DPP10: variants seen among roughly 807,000 people sequenced by gnomAD.
The protein encoded by DPP10 is inactive dipeptidyl peptidase 10.
A neutral mutation model predicts 120.9 loss-of-function variants in DPP10; 33 were observed. That is an observed-to-expected ratio of 0.27 (90% confidence interval 0.21 to 0.37). The LOEUF is 0.37. Ranked by LOEUF, DPP10 falls within the 10% of genes least tolerant of loss-of-function variation. The pLI, the probability that DPP10 is intolerant of heterozygous loss-of-function variation, is 1.00. For missense variants in DPP10, 816 were observed against 942.8 expected (o/e 0.87, Z 1.76); for synonymous variants, 337 against 326.1 (o/e 1.03, Z -0.36).
intron 1 of DPP10, among the ~76,000 whole-genome samples, chr2:114,450,511 G>A (rs926643693): frequency 6.6e-6 from 1 of 151,638 alleles, no homozygotes; most frequent in Non-Finnish European, 1.5e-5. Context: ...TTAAATAAAA[G>A]AACAAAAAGA....
intron 5 of DPP10, among the ~76,000 whole-genome samples, chr2:115,606,227 T>C (rs950708420): frequency 1.3e-5 from 2 of 152,156 alleles, no homozygotes; most frequent in Non-Finnish European, 2.9e-5. Context: ...GTCTTAATTC[T>C]TGAGAGAAAA....
chr2:114,908,688 T>C (rs1388129742), intron 1 of DPP10, among the ~76,000 whole-genome samples: 1 of 151,860 alleles, frequency 6.6e-6, no homozygotes, highest in Non-Finnish European at 1.5e-5. Flanking sequence ...CACTATTTCT[T>C]AAAAATCTGG....
intron 1 of DPP10, among the ~76,000 whole-genome samples, chr2:115,307,427 A>T (rs1236885235): frequency 4.6e-5 from 7 of 152,082 alleles, no homozygotes; most frequent in Admixed American, 2.6e-4. Flanking sequence ...TAATTGCTAC[A>T]TTTCTATTCT....
At chr2:114,621,637 A>G (rs1694099428) in intron 1 of DPP10, among the ~76,000 whole-genome samples, 1 of 151,980 alleles carries the variant, frequency 6.6e-6, no homozygotes, top group Admixed American at 6.6e-5. Flanking sequence ...AGGGATCTTC[A>G]AAAGGCACTC....
chr2:114,861,554 A>G (rs530168894), intron 1 of DPP10, among the ~76,000 whole-genome samples: 3 of 152,222 alleles, frequency 2.0e-5, no homozygotes, highest in Non-Finnish European at 4.4e-5. Flanking sequence ...TACTCAGTGC[A>G]TGAGTTTAAA....
chr2:115,831,384 G>T (rs1423289706), intron 21 of DPP10, among the ~76,000 whole-genome samples: 2 of 151,988 alleles, frequency 1.3e-5, no homozygotes, highest in Admixed American at 6.6e-5. Context: ...GAGTAGCTGG[G>T]ATTAGCCACC....
chr2:115,228,294 C>T (rs2057544580), intron 1 of DPP10, among the ~76,000 whole-genome samples: 1 of 151,886 alleles, frequency 6.6e-6, no homozygotes, highest in Admixed American at 6.6e-5. Flanking sequence ...ACAATGCATA[C>T]CAGTCATATC....
At chr2:114,965,480 G>C (rs962972259) in intron 1 of DPP10, among the ~76,000 whole-genome samples, 11 of 152,112 alleles carry the variant, frequency 7.2e-5, no homozygotes, top group Admixed American at 3.9e-4. Flanking sequence ...AAACATCCAA[G>C]TGGAGATATC....
intron 3 of DPP10, among the ~76,000 whole-genome samples, chr2:115,422,585 A>G (rs1004838834): frequency 7.2e-5 from 11 of 152,206 alleles, no homozygotes; most frequent in Non-Finnish European, 1.3e-4. Flanking sequence ...TGTCCTTGCA[A>G]ATAAAAGAAT....
intron 3 of DPP10, among the ~76,000 whole-genome samples, chr2:115,471,467 C>G (rs565809351): frequency 1.3e-5 from 2 of 152,150 alleles, no homozygotes; most frequent in Admixed American, 6.5e-5. Context: ...TTGGCCCTTA[C>G]CTTGCTCTCT....
intron 1 of DPP10, among the ~76,000 whole-genome samples, chr2:115,250,592 G>T (rs2058712677): frequency 6.6e-6 from 1 of 152,046 alleles, no homozygotes. Flanking sequence ...TCATAGTACG[G>T]TTACATTATT....
At chr2:115,754,299 G>A (rs1277470407) in intron 11 of DPP10, among the ~76,000 whole-genome samples, 1 of 152,134 alleles carries the variant, frequency 6.6e-6, no homozygotes, top group Admixed American at 6.6e-5. Flanking sequence ...GCAATCTATG[G>A]AGAGGACCCC....
chr2:114,803,215 C>T (rs1250986132), intron 1 of DPP10, among the ~76,000 whole-genome samples: 2 of 152,198 alleles, frequency 1.3e-5, no homozygotes, highest in Admixed American at 1.3e-4. Context: ...TGCCTTTCAC[C>T]TACCACCATG....
intron 1 of DPP10, among the ~76,000 whole-genome samples, chr2:114,719,392 C>A (rs1242480247): frequency 1.3e-5 from 2 of 152,170 alleles, no homozygotes; most frequent in African/African-American, 4.8e-5. Flanking sequence ...CCATTGCAAC[C>A]TGCCCACCCA....
chr2:115,360,740 G>A (rs548289159), intron 3 of DPP10, among the ~76,000 whole-genome samples: 19 of 152,326 alleles, frequency 1.2e-4, no homozygotes, highest in African/African-American at 4.1e-4. Flanking sequence ...TGAGCCAAAG[G>A]TTAGGTTGGC....
At chr2:115,717,677 G>A (rs554578177) in intron 7 of DPP10, among the ~76,000 whole-genome samples, 1 of 152,272 alleles carries the variant, frequency 6.6e-6, no homozygotes, top group Admixed American at 6.5e-5. Context: ...AAATGAACAG[G>A]AGTTAGGAGG....
intron 21 of DPP10, among the ~76,000 whole-genome samples, chr2:115,832,292 C>T (rs1395507625): frequency 6.6e-6 from 1 of 152,110 alleles, no homozygotes; most frequent in Non-Finnish European, 1.5e-5. Context: ...AGTTCAAGAC[C>T]AGCCTGGGCA....
chr2:115,760,793 G>A (rs1349427784), intron 11 of DPP10, among the ~76,000 whole-genome samples: 4 of 152,056 alleles, frequency 2.6e-5, no homozygotes, highest in Non-Finnish European at 5.9e-5. Flanking sequence ...TGATTAGTAA[G>A]TCATTTAAAA....
chr2:115,844,395 TTATC>T lies in DPP10; in HGVS notation c.*2054_*2057del, dbSNP rs372695145. On this transcript the variant is annotated 3_prime_UTR_variant, in exon 26 of 26. Coordinates refer to ENST00000410059, the MANE Select transcript of DPP10 (RefSeq NM_020868.6). ...CTTGTTTTATTATTATTATCAATGT[TTATC>T]TATTTTTCAATTAATTTAATACAGT... 5.2e-5 allele frequency: 8 copies of T among 152,694 alleles called. No individual in the cohort carries two copies. In the East Asian group the frequency reaches 1.3e-3, roughly 26 times the overall value. 9.5% of individuals were successfully genotyped at this position (152,694 alleles called of 1,614,324 possible).
Sources: gnomAD v4.1 joint callset for allele counts (sites outside exome capture counted in the v4.1 genomes callset) on GRCh38, gnomAD v4.1.1 for gene constraint, MANE v1.5 for transcripts, NCBI Gene and HGNC (gene_info 2026-07-23, HGNC 2026-07-21) for gene names.